Variants in ADCY3 observed in about 807,000 individuals in gnomAD.
ADCY3 encodes the protein adenylate cyclase type 3.
A neutral mutation model predicts 119.4 loss-of-function variants in ADCY3; 70 were observed. That is an observed-to-expected ratio of 0.59 (90% confidence interval 0.48 to 0.72). The LOEUF is 0.72. Ranked by LOEUF, ADCY3 falls within the 30% of genes least tolerant of loss-of-function variation. The pLI, the probability that ADCY3 is intolerant of heterozygous loss-of-function variation, is 0.00. For missense variants in ADCY3, 1,238 were observed against 1,541.6 expected, an observed-to-expected ratio of 0.80 and a Z score of 3.30; for synonymous variants, 672 against 621.4, an observed-to-expected ratio of 1.08 and a Z score of -1.21.
intron 3 of ADCY3, among the ~76,000 whole-genome samples, chr2:24,857,476 T>C (rs1290090905): frequency 1.3e-5 from 2 of 152,266 alleles, no homozygotes; most frequent in East Asian, 3.8e-4. Flanking sequence ...CTGTCCAATA[T>C]GGCAGCCACA....
In ADCY3 at chr2:24,918,851, C is replaced by T. The variant is rs2042792782; in HGVS notation, c.137G>A (p.Cys46Tyr). 6 of 1,613,298 alleles carry T rather than the reference C, an allele frequency of 3.7e-6. No homozygotes were observed. In the African/African-American group the frequency reaches 6.7e-5, roughly 18 times the overall value. Reference sequence around the variant, plus strand: ...CCGCATGAAGCGAGGCAGGCACAGGCAGGAGCCCGAGTTCCGGACCGAGAT... The same window carrying T: ...CCGCATGAAGCGAGGCAGGCACAGGTAGGAGCCCGAGTTCCGGACCGAGAT... ...HEISVRNSGS[C>Y]LCLPRFMRLT... The change falls in exon 2 of 22, where the codon TGC (cysteine) becomes TAC (tyrosine). Residue 46 changes from cysteine to tyrosine, a missense_variant. Physicochemically the swap from Cys to Tyr is radical, Grantham distance 194 (BLOSUM62 -2). Coordinates refer to ENST00000679454, the MANE Select transcript of ADCY3 (RefSeq NM_004036.5). This position sits in a 1 kb window ranked among gnomAD's most constrained non-coding sequence, Gnocchi z 5.4.
rs1667774410 is a variant in ADCY3 at position 24,821,862 on chromosome 2, G to A, written c.3004-222C>T. ...GCAAAGACTGGGCAATTGAGCAGAG[G>A]AGACGGACCTGTGAGTCTGACCACG... On this transcript the variant is annotated intron_variant, in intron 19 of 21. Transcript: ENST00000679454. 5.3e-6 allele frequency: 3 copies of A among 562,248 alleles called. No individual in the cohort carries two copies. The African/African-American group carries it at 5.7e-5, about 11-fold the overall frequency. 34.8% of individuals were successfully genotyped at this position (562,248 alleles called of 1,614,324 possible).
chr2:24,888,054 AC>A (rs1677270490), intron 2 of ADCY3, among the ~76,000 whole-genome samples: 1 of 152,226 alleles, frequency 6.6e-6, no homozygotes, highest in African/African-American at 2.4e-5. Context: ...GGCTGTGCTG[AC>A]ATTCTAAGGC....
intron 9 of ADCY3, 112 bp from the exon 10 acceptor site, chr2:24,835,048 A>G: frequency 7.5e-7 from 1 of 1,341,726 alleles, no homozygotes; most frequent in South Asian, 1.4e-5. Context: ...TACTCGGAGG[A>G]CCAATCCCTC....
chr2:24,860,652 A>T (rs1673518593), intron 3 of ADCY3, among the ~76,000 whole-genome samples: 1 of 152,154 alleles, frequency 6.6e-6, no homozygotes, highest in Non-Finnish European at 1.5e-5. Flanking sequence ...GGACATGCTC[A>T]CCCCAGTGAG....
chr2:24,821,626 C>T lies in ADCY3; in HGVS notation c.3018G>A (p.Glu1006=), dbSNP rs1394225691. Residue 1006 remains glutamate, a synonymous_variant, in exon 20 of 22, where the codon GAG becomes GAA. Transcript: ENST00000679454. ...CAGCCAGGTGCTGCCAGCGCTCTCT[C>T]TCGGACTTGTCTTCCTGTGCCAGGG... The part of the protein sequence containing the change: ...FASSNKEDKS[E]RERWQHLADL... The T allele has an allele frequency of 1.9e-6, 3 of 1,613,984 alleles. No individual in the cohort carries two copies. The highest frequency in any genetic ancestry group is 2.5e-6 in the Non-Finnish European group (3 of 1,180,016).
At position 24,824,430 on chromosome 2, in the gene ADCY3, ATGT is replaced by A; in HGVS notation, c.2681_2683del (p.Asn894del). The stretch of plus-strand genomic sequence containing the variant: ...ATGGCGTGCCACGTGCTCAGGCAAC[ATGT>A]TGGTGACCAAGGCCTCGTTCCAGCG... On this transcript the variant is annotated inframe_deletion, in exon 17 of 22. Transcript: ENST00000679454. The A allele has an allele frequency of 6.2e-7, 1 of 1,614,214 alleles. No homozygotes were observed. The highest frequency in any genetic ancestry group is 8.5e-7 in the Non-Finnish European group (1 of 1,180,028).
At chr2:24,852,140 C>T (rs889736617) in intron 3 of ADCY3, among the ~76,000 whole-genome samples, 3 of 152,156 alleles carry the variant, frequency 2.0e-5, no homozygotes, top group East Asian at 1.9e-4. Context: ...GCCACCTGGG[C>T]GTGGGAATCA....
At chr2:24,845,078 T>C (rs1416305143) in intron 3 of ADCY3, among the ~76,000 whole-genome samples, 1 of 152,242 alleles carries the variant, frequency 6.6e-6, no homozygotes, top group Non-Finnish European at 1.5e-5. Context: ...TGAGGCCTCC[T>C]CAGCCATGTG....
At chr2:24,892,472 C>T (rs572482505) in intron 2 of ADCY3, among the ~76,000 whole-genome samples, 10 of 152,222 alleles carry the variant, frequency 6.6e-5, no homozygotes, top group South Asian at 4.2e-4. Flanking sequence ...AGGATGGTCT[C>T]GATCTCCTGA....
At chr2:24,895,600 T>C (rs1168286152) in intron 2 of ADCY3, among the ~76,000 whole-genome samples, 2 of 152,068 alleles carry the variant, frequency 1.3e-5, no homozygotes, top group Non-Finnish European at 2.9e-5. Flanking sequence ...TATTACCTTT[T>C]GTCAATGTTT....
In ADCY3 at chr2:24,829,633, A is replaced by G. The variant is rs180807909; in HGVS notation, c.2172+1076T>C. 7.2e-4 allele frequency among the ~76,000 whole-genome samples: 109 copies of G among 151,502 alleles called. 1 individual carries two copies. The highest frequency in any genetic ancestry group is 2.4e-3 in the Admixed American group (36 of 15,218). On this transcript the variant is annotated intron_variant, in intron 13 of 21. Transcript: ENST00000679454. ...AGACGGGGTTTCAACTGTGTTAGCC[A>G]GGATGATTTCGATCTCCTGACCTCG...
At chr2:24,904,077 G>T (rs994541366) in intron 2 of ADCY3, among the ~76,000 whole-genome samples, 4 of 151,838 alleles carry the variant, frequency 2.6e-5, no homozygotes, top group Non-Finnish European at 5.9e-5. Context: ...GGAGCATAAA[G>T]AGAAAAGACA....
At chr2:24,858,492 C>G (rs1320041073) in intron 3 of ADCY3, among the ~76,000 whole-genome samples, 1 of 152,176 alleles carries the variant, frequency 6.6e-6, no homozygotes, top group African/African-American at 2.4e-5. Context: ...GAAGTGCCAG[C>G]TGGTAAATGA....
chr2:24,885,560 T>C (rs1223537348), intron 2 of ADCY3, among the ~76,000 whole-genome samples: 1 of 152,204 alleles, frequency 6.6e-6, no homozygotes, highest in East Asian at 1.9e-4. Flanking sequence ...AGGTCCTTCA[T>C]CCCAGCTGGT....
intron 2 of ADCY3, among the ~76,000 whole-genome samples, chr2:24,901,959 A>T (rs1678952626): frequency 6.7e-6 from 1 of 149,920 alleles, no homozygotes; most frequent in Admixed American, 6.7e-5. Context: ...TGTATGCACA[A>T]TTTTTGTGAT....
chr2:24,902,151 G>C (rs1678991741), intron 2 of ADCY3, among the ~76,000 whole-genome samples: 1 of 149,118 alleles, frequency 6.7e-6, no homozygotes, highest in Non-Finnish European at 1.5e-5. Context: ...TGTGATCATG[G>C]CTCACTGCAG....
chr2:24,822,754 G>T, intron 18 of ADCY3, 124 bp from the exon 19 acceptor site: 2 of 1,324,668 alleles, frequency 1.5e-6, no homozygotes, highest in Non-Finnish European at 2.0e-6. Flanking sequence ...TATCAAAGTT[G>T]TTACTTAGTC....
chr2:24,833,350 C>G (rs1166348152), intron 11 of ADCY3, among the ~76,000 whole-genome samples: 1 of 152,214 alleles, frequency 6.6e-6, no homozygotes, highest in Non-Finnish European at 1.5e-5. Flanking sequence ...CAGGCCACTC[C>G]AGCCTCAGCA....
Sources: gnomAD v4.1 joint callset for allele counts (sites outside exome capture counted in the v4.1 genomes callset) on GRCh38, gnomAD v4.1.1 for gene constraint, Gnocchi (gnomAD v3.1) non-coding constraint, MANE v1.5 for transcripts, NCBI Gene and HGNC (gene_info 2026-07-23, HGNC 2026-07-21) for gene names.